ACER2: variants seen among roughly 807,000 people sequenced by gnomAD.
ACER2 encodes the protein alkCDase 2.
ACER2 carries 26 observed loss-of-function variants against 34.7 expected under a neutral mutation model. That is an observed-to-expected ratio of 0.75 (90% confidence interval 0.55 to 1.04). The LOEUF is 1.04. Ranked by LOEUF, ACER2 falls within the 50% of genes least tolerant of loss-of-function variation. The probability of loss-of-function intolerance (pLI) is 0.00; values close to 1 mark genes in which losing one functional copy is unlikely to be tolerated. For missense variants in ACER2, 352 were observed against 340.8 expected (o/e 1.03, Z -0.26); for synonymous variants, 138 against 132.1 (o/e 1.04, Z -0.31).
At chr9:19,433,823 G>T (rs1390229920) in intron 3 of ACER2, among the ~76,000 whole-genome samples, 1 of 151,724 alleles carries the variant, frequency 6.6e-6, no homozygotes, top group African/African-American at 2.4e-5. Flanking sequence ...GCGGCTGGCC[G>T]GGCAGAGGGG....
At chr9:19,447,013 G>C (rs1188352382) in intron 5 of ACER2, among the ~76,000 whole-genome samples, 1 of 151,688 alleles carries the variant, frequency 6.6e-6, no homozygotes, top group Non-Finnish European at 1.5e-5. Context: ...GGAATGCTCA[G>C]GATACACTAA....
chr9:19,416,060 CTTT>C (rs10645109), intron 1 of ACER2, among the ~76,000 whole-genome samples: 2 of 144,926 alleles, frequency 1.4e-5, no homozygotes. Flanking sequence ...AACTTTATTC[CTTT>C]TTTTTTTTTT....
chr9:19,422,180 A>T (rs1830425397), intron 1 of ACER2, among the ~76,000 whole-genome samples: 1 of 151,660 alleles, frequency 6.6e-6, no homozygotes, highest in African/African-American at 2.4e-5. Flanking sequence ...GCATGCCTGT[A>T]ATCCTAGCTA....
chr9:19,426,809 C>T (rs1346198951), intron 3 of ACER2, among the ~76,000 whole-genome samples: 1 of 151,986 alleles, frequency 6.6e-6, no homozygotes, highest in Non-Finnish European at 1.5e-5. Context: ...CGCCTGTAGT[C>T]CCAGCCACTC....
intron 3 of ACER2, 149 bp downstream of exon 3, chr9:19,424,990 G>T (rs1014183158): frequency 1.6e-5 from 18 of 1,110,300 alleles, no homozygotes; most frequent in Non-Finnish European, 2.3e-5. Context: ...TTGTTTTTAT[G>T]ATCTGACAAT....
intron 4 of ACER2, among the ~76,000 whole-genome samples, chr9:19,435,924 C>T (rs1481170959): frequency 6.6e-6 from 1 of 152,050 alleles, no homozygotes. Flanking sequence ...TGGCGGGCGC[C>T]TGTAGTCCCA....
chr9:19,440,321 C>T (rs942573646), intron 4 of ACER2, among the ~76,000 whole-genome samples: 1 of 152,162 alleles, frequency 6.6e-6, no homozygotes, highest in Non-Finnish European at 1.5e-5. Flanking sequence ...CCCTCAACTC[C>T]CTGCTTGCTA....
At chr9:19,448,335 T>A (rs1290432026) in intron 5 of ACER2, among the ~76,000 whole-genome samples, 1 of 152,164 alleles carries the variant, frequency 6.6e-6, no homozygotes, top group Non-Finnish European at 1.5e-5. Flanking sequence ...TTTAACCAAA[T>A]ACTTAAATCT....
chr9:19,449,143 A>G (rs1259429409), intron 5 of ACER2, among the ~76,000 whole-genome samples: 1 of 152,270 alleles, frequency 6.6e-6, no homozygotes, highest in African/African-American at 2.4e-5. Context: ...AAAATAAAAA[A>G]TAAAACAGTT....
intron 5 of ACER2, among the ~76,000 whole-genome samples, chr9:19,447,857 G>C (rs932717157): frequency 6.6e-6 from 1 of 151,864 alleles, no homozygotes; most frequent in African/African-American, 2.4e-5. Context: ...AGTATAGAAA[G>C]AATGGCTCTC....
intron 1 of ACER2, among the ~76,000 whole-genome samples, chr9:19,423,155 G>A (rs562541195): frequency 2.0e-5 from 3 of 152,038 alleles, no homozygotes; most frequent in Non-Finnish European, 4.4e-5. Context: ...GCTAGACCAT[G>A]TCTCTTAAAA....
chr9:19,414,899 G>A (rs1049376820), intron 1 of ACER2, among the ~76,000 whole-genome samples: 16 of 150,056 alleles, frequency 1.1e-4, no homozygotes, highest in East Asian at 1.9e-4. Flanking sequence ...CAATTTCAGC[G>A]ACCAATACAA....
At chr9:19,441,143 G>A (rs556034106) in intron 4 of ACER2, among the ~76,000 whole-genome samples, 2 of 150,468 alleles carry the variant, frequency 1.3e-5, no homozygotes, top group South Asian at 2.1e-4. Context: ...TCCGCCTCCC[G>A]GGTTCAAGCG....
chr9:19,416,512 T>A lies in ACER2; in HGVS notation c.108+7320T>A, dbSNP rs77164732. 4.3e-3 allele frequency among the ~76,000 whole-genome samples: 650 copies of A among 152,118 alleles called. 4 individuals are homozygous for A. The highest frequency in any genetic ancestry group is 0.015 in the African/African-American group (625 of 41,528). Reference sequence around the variant, plus strand: ...CCTTTGTAAAACAAGGGATGGTTTTTATTTATTTTTATTTTTTATTTTATT... The same window carrying A: ...CCTTTGTAAAACAAGGGATGGTTTTAATTTATTTTTATTTTTTATTTTATT... On this transcript the variant is annotated intron_variant, in intron 1 of 5. Transcript: ENST00000340967.
rs530501353 is a variant in ACER2 at position 19,432,629 on chromosome 9, T to A, written c.366-2318T>A. Among the ~76,000 whole-genome samples the A allele has an allele frequency of 1.7e-4, 25 of 148,390 alleles. No homozygotes were observed. In the South Asian group the frequency reaches 5.2e-3, roughly 31 times the overall value. On this transcript the variant is annotated intron_variant, in intron 3 of 5. Coordinates refer to ENST00000340967, the MANE Select transcript of ACER2 (RefSeq NM_001010887.3). ...TTTTTATTTAATATAATTACACATATTTATTAATGCACATATTTAATTATA... is the reference window on the plus strand; with the variant it reads ...TTTTTATTTAATATAATTACACATAATTATTAATGCACATATTTAATTATA...
intron 4 of ACER2, among the ~76,000 whole-genome samples, chr9:19,437,716 T>C (rs1831021188): frequency 6.6e-6 from 1 of 152,122 alleles, no homozygotes; most frequent in East Asian, 1.9e-4. Flanking sequence ...CCCCCTGAAA[T>C]GCCCTTTCCT....
chr9:19,441,395 G>C (rs1356305570), intron 4 of ACER2, among the ~76,000 whole-genome samples: 1 of 152,080 alleles, frequency 6.6e-6, no homozygotes, highest in African/African-American at 2.4e-5. Flanking sequence ...TGAAGATAAA[G>C]TTCCAAATCC....
intron 3 of ACER2, among the ~76,000 whole-genome samples, chr9:19,434,730 C>T (rs1175080162): frequency 2.6e-5 from 4 of 152,074 alleles, no homozygotes; most frequent in Non-Finnish European, 5.9e-5. Flanking sequence ...GCAGTATAGT[C>T]CAGCTTCGGC....
chr9:19,450,418 A>G (rs377198337), intron 5 of ACER2, 32 bp from the exon 6 acceptor site: 2 of 1,553,300 alleles, frequency 1.3e-6, no homozygotes, highest in Non-Finnish European at 1.8e-6. Context: ...CTTCATGCTC[A>G]TCAGGTTCTC....
Sources: allele counts gnomAD v4.1 joint callset (sites outside exome capture counted in the v4.1 genomes callset), GRCh38; gene constraint gnomAD v4.1.1; transcripts MANE v1.5; gene names NCBI Gene and HGNC (gene_info 2026-07-23, HGNC 2026-07-21).